Variants in GNAQ observed in about 807,000 individuals in gnomAD.
GNAQ encodes the protein G protein subunit alpha q, also known as guanine nucleotide-binding protein G(q) subunit alpha.
In GNAQ, 8 loss-of-function variants were observed where a neutral mutation model predicts 43.9. The observed-to-expected ratio is 0.18, with a 90% confidence interval of 0.11 to 0.33. The LOEUF is 0.33. Among genes scored for constraint, GNAQ ranks in the 10% least tolerant of loss-of-function variants. GNAQ has a pLI of 1.00. For missense variants in GNAQ, 158 were observed against 450.8 expected, an observed-to-expected ratio of 0.35 and a Z score of 5.88; for synonymous variants, 155 against 170.7, an observed-to-expected ratio of 0.91 and a Z score of 0.71.
chr9:77,803,058 G>C (rs772052140), intron 3 of GNAQ, among the ~76,000 whole-genome samples: 2 of 152,050 alleles, frequency 1.3e-5, no homozygotes, highest in Non-Finnish European at 2.9e-5. Context: ...ACTTAGCCAA[G>C]GGCCTGGAGC....
Position 77,797,858 on chromosome 9 carries a change from T to C in GNAQ, c.477-210A>G, listed in dbSNP as rs78982531. Among the ~76,000 whole-genome samples, 1,139 of 152,290 alleles carry C rather than the reference T, an allele frequency of 7.5e-3. 15 individuals carry two copies. The highest frequency in any genetic ancestry group is 0.026 in the African/African-American group (1,094 of 41,554). ...CCATCTATGGATTACATACACACCA[T>C]AGTTCTCATTTCTTCTCTTATTATC... On this transcript the variant is annotated intron_variant, in intron 3 of 6. Coordinates refer to ENST00000286548, the MANE Select transcript of GNAQ (RefSeq NM_002072.5).
intron 2 of GNAQ, among the ~76,000 whole-genome samples, chr9:77,816,865 TTCC>T (rs1827026134): frequency 6.6e-6 from 1 of 152,216 alleles, no homozygotes; most frequent in Non-Finnish European, 1.5e-5. Context: ...TTTACCTTCC[TTCC>T]TTTCTCTTGT....
At position 77,889,410 on chromosome 9, in the gene GNAQ, C is replaced by CAAAAAAAAAAAAAAAAAAA. The variant is rs58496646; in HGVS notation, c.321+32732_321+32750dup. ...TGGGCGACAAAGCCAGACCCTGTCTCAAAAAAAAAAAAAAAAAAAAAAAAA... is the reference window on the plus strand; with the variant it reads ...TGGGCGACAAAGCCAGACCCTGTCTCAAAAAAAAAAAAAAAAAAAAAAAAAAAAAAAAAAAAAAAAAAAA... On this transcript the variant is annotated intron_variant, in intron 2 of 6. Coordinates refer to ENST00000286548, the MANE Select transcript of GNAQ (RefSeq NM_002072.5). Among the ~76,000 whole-genome samples, 11 of 48,064 alleles carry CAAAAAAAAAAAAAAAAAAA rather than the reference C, an allele frequency of 2.3e-4. 2 individuals are homozygous for CAAAAAAAAAAAAAAAAAAA. Among genetic ancestry groups the CAAAAAAAAAAAAAAAAAAA allele is most frequent in the East Asian group, 1.1e-3 (1 of 900 alleles). The allele number at this position is 48,064 out of a possible 152,430, so 31.5% of individuals were successfully genotyped here.
chr9:77,889,063 ATTCCTTCACT>A (rs1451889701), intron 2 of GNAQ, among the ~76,000 whole-genome samples: 1 of 152,058 alleles, frequency 6.6e-6, no homozygotes, highest in Admixed American at 6.5e-5. Flanking sequence ...ACAACTTTTG[ATTCCTTCACT>A]TTACTTAGTC....
At position 77,926,697 on chromosome 9, in the gene GNAQ, G is replaced by GA. The variant is rs550465232; in HGVS notation, c.137-4353dup. Among the ~76,000 whole-genome samples the GA allele has an allele frequency of 2.5e-3, 373 of 152,228 alleles. 3 individuals carry two copies. The highest frequency in any genetic ancestry group is 8.4e-3 in the African/African-American group (350 of 41,536). ...AACACACACAAGGGTGTGAGTCCCA[G>GA]AAAAAACCCTGCTCTTTCAATGGCC... On this transcript the variant is annotated intron_variant, in intron 1 of 6. Coordinates refer to ENST00000286548, the MANE Select transcript of GNAQ (RefSeq NM_002072.5).
chr9:77,753,103 A>AAAG (rs1554713154), intron 5 of GNAQ, among the ~76,000 whole-genome samples: 22 of 150,636 alleles, frequency 1.5e-4, no homozygotes, highest in African/African-American at 5.4e-4. Context: ...AAAAAAAAAA[A>AAAG]AAAGAAAAAG....
chr9:77,824,957 A>C (rs970291771), intron 2 of GNAQ, among the ~76,000 whole-genome samples: 1 of 152,204 alleles, frequency 6.6e-6, no homozygotes, highest in Non-Finnish European at 1.5e-5. Context: ...TCACAGAGTG[A>C]TATAAAAATG....
intron 1 of GNAQ, among the ~76,000 whole-genome samples, chr9:78,007,437 G>T (rs1315206879): frequency 6.9e-6 from 1 of 145,236 alleles, no homozygotes; most frequent in East Asian, 2.0e-4. Context: ...AGAAAACAAG[G>T]AAGAAAAAAA....
chr9:77,759,879 T>C (rs1215587020), intron 5 of GNAQ, among the ~76,000 whole-genome samples: 1 of 135,154 alleles, frequency 7.4e-6, no homozygotes, highest in Non-Finnish European at 1.6e-5. Context: ...TTCTTCTACC[T>C]TTTTCTCTCT....
chr9:77,845,071 T>TG (rs1827561336), intron 2 of GNAQ, among the ~76,000 whole-genome samples: 1 of 152,226 alleles, frequency 6.6e-6, no homozygotes, highest in South Asian at 2.1e-4. Flanking sequence ...AAAGTACTAC[T>TG]CTAACATGAA....
At chr9:77,839,324 G>C (rs1827444954) in intron 2 of GNAQ, among the ~76,000 whole-genome samples, 1 of 152,166 alleles carries the variant, frequency 6.6e-6, no homozygotes. Flanking sequence ...TCATTAGCTT[G>C]TTTGAGACTA....
intron 5 of GNAQ, among the ~76,000 whole-genome samples, chr9:77,765,470 C>T (rs1826120631): frequency 1.3e-5 from 2 of 152,254 alleles, no homozygotes; most frequent in African/African-American, 4.8e-5. Context: ...CATGAATAGA[C>T]ATTTCTTCAA....
At chr9:78,003,740 G>A (rs1438055345) in intron 1 of GNAQ, among the ~76,000 whole-genome samples, 3 of 151,722 alleles carry the variant, frequency 2.0e-5, no homozygotes, top group Non-Finnish European at 2.9e-5. Context: ...CACTTGAACC[G>A]GGGAGGCAGA....
chr9:77,795,099 G>A (rs144681087), intron 4 of GNAQ, among the ~76,000 whole-genome samples: 5 of 152,124 alleles, frequency 3.3e-5, no homozygotes, highest in East Asian at 3.9e-4. Flanking sequence ...ATGCAGATAC[G>A]ACCCCACTCA....
intron 2 of GNAQ, among the ~76,000 whole-genome samples, chr9:77,821,558 C>G (rs910326055): frequency 6.6e-6 from 1 of 152,010 alleles, no homozygotes; most frequent in African/African-American, 2.4e-5. Context: ...ATGGCAAAAC[C>G]TACATCAAAC....
At chr9:77,821,523 T>C (rs1257692091) in intron 2 of GNAQ, among the ~76,000 whole-genome samples, 5 of 152,172 alleles carry the variant, frequency 3.3e-5, no homozygotes, top group African/African-American at 4.8e-5. Context: ...ATCAATGACA[T>C]TGTAGGTCAG....
chr9:78,024,183 A>G (rs78622820), intron 1 of GNAQ, among the ~76,000 whole-genome samples: 9,342 of 152,268 alleles, frequency 0.061, 335 homozygotes, highest in African/African-American at 0.07. Context: ...AAACAATATG[A>G]GAATGTTCAA....
chr9:78,016,375 C>A (rs544241961), intron 1 of GNAQ, among the ~76,000 whole-genome samples: 5 of 152,084 alleles, frequency 3.3e-5, no homozygotes, highest in African/African-American at 7.2e-5. Flanking sequence ...ATAAAGAAAA[C>A]CATCAAAGTT....
intron 1 of GNAQ, among the ~76,000 whole-genome samples, chr9:77,973,884 A>T (rs535481398): frequency 2.2e-4 from 33 of 152,218 alleles, no homozygotes; most frequent in East Asian, 1.2e-3. Context: ...AATTTTTTTT[A>T]AAAAATTGAA....
Sources: allele counts gnomAD v4.1 joint callset (sites outside exome capture counted in the v4.1 genomes callset), GRCh38; gene constraint gnomAD v4.1.1; transcripts MANE v1.5; gene names NCBI Gene and HGNC (gene_info 2026-07-23, HGNC 2026-07-21).